Variants in UNC13C observed in about 807,000 individuals in gnomAD.
The protein encoded by UNC13C is protein unc-13 homolog C.
A neutral mutation model predicts 245.4 loss-of-function variants in UNC13C; 174 were observed. That is an observed-to-expected ratio of 0.71 (90% CI 0.63 to 0.80). The LOEUF is 0.80. Ranked by LOEUF, UNC13C falls within the 30% of genes least tolerant of loss-of-function variation. UNC13C has a pLI of 0.00. For missense variants in UNC13C, 2,829 were observed against 2,602.9 expected (o/e 1.09, Z -1.89); for synonymous variants, 992 against 895.1 (o/e 1.11, Z -1.93).
upstream of UNC13C, chr15:53,976,989 T>C (rs1011717666): frequency 6.6e-6 from 1 of 152,214 alleles, no homozygotes; most frequent in South Asian, 2.1e-4. Context: ...GGTTTTCCTG[T>C]GCTACTCTCC....
chr15:54,335,370 A>G (rs1317590027), intron 16 of UNC13C, among the ~76,000 whole-genome samples: 1 of 152,014 alleles, frequency 6.6e-6, no homozygotes, highest in East Asian at 1.9e-4. Context: ...ATTTCCTCCT[A>G]TTATCTTTTG....
At chr15:53,864,365 T>C in the UNC13C span, among the ~76,000 whole-genome samples, 6 of 152,198 alleles carry the variant, frequency 3.9e-5, no homozygotes, top group African/African-American at 1.4e-4. Flanking sequence ...AAAAGTTGTG[T>C]CAGACAGGCA....
intron 4 of UNC13C, among the ~76,000 whole-genome samples, chr15:54,218,681 T>C (rs939564409): frequency 6.6e-6 from 1 of 151,876 alleles, no homozygotes; most frequent in Non-Finnish European, 1.5e-5. Flanking sequence ...AATGACATGC[T>C]TAGATTTTGT....
intron 19 of UNC13C, among the ~76,000 whole-genome samples, chr15:54,478,776 A>C (rs1892924374): frequency 6.6e-6 from 1 of 151,866 alleles, no homozygotes; most frequent in Admixed American, 6.6e-5. Context: ...GCTGAAAAAA[A>C]TGTATATTCT....
intron 19 of UNC13C, among the ~76,000 whole-genome samples, chr15:54,417,375 C>G (rs1197544440): frequency 6.6e-6 from 1 of 152,046 alleles, no homozygotes; most frequent in African/African-American, 2.4e-5. Flanking sequence ...ACTGTTCTCC[C>G]CTTTTGTTTG....
At chr15:54,487,603 C>T (rs1893480203) in intron 19 of UNC13C, among the ~76,000 whole-genome samples, 1 of 151,864 alleles carries the variant, frequency 6.6e-6, no homozygotes, top group East Asian at 1.9e-4. Flanking sequence ...ACCATCTCTA[C>T]TAGCAATACA....
At chr15:53,976,147 A>T (rs1254495285), upstream of UNC13C, among the ~76,000 whole-genome samples, 1 of 152,112 alleles carries the variant, frequency 6.6e-6, no homozygotes, top group African/African-American at 2.4e-5. Context: ...AAGCTCTGTC[A>T]CTCTAACGGC....
the UNC13C span, among the ~76,000 whole-genome samples, chr15:53,946,452 T>C: frequency 6.6e-5 from 1 of 15,124 alleles, no homozygotes; most frequent in African/African-American, 1.1e-4. Context: ...CTTTTTTTTG[T>C]TTTTTTTTTT....
intron 30 of UNC13C, among the ~76,000 whole-genome samples, chr15:54,584,968 C>G (rs765683408): frequency 3.3e-4 from 51 of 152,334 alleles, no homozygotes; most frequent in Middle Eastern, 6.8e-3. Flanking sequence ...TAAAGTGATG[C>G]TATGGCCATT....
In UNC13C at chr15:54,003,981, A is replaced by C. The variant is rs147035550; in HGVS notation, c.-256-8667A>C. Among the ~76,000 whole-genome samples the C allele has an allele frequency of 4.0e-3, 616 of 152,358 alleles. 24 individuals carry two copies. The East Asian group carries it at 0.11, about 27-fold the overall frequency. Reference sequence around the variant, plus strand: ...AGCCGAGATCCTGCCACAGCACTCCAGCCTGGGCGACAGAGTGAGACTCCA... The same window carrying C: ...AGCCGAGATCCTGCCACAGCACTCCCGCCTGGGCGACAGAGTGAGACTCCA... On this transcript the variant is annotated intron_variant, in intron 1 of 32. Transcript: ENST00000260323.
At chr15:54,167,975 G>T (rs2033246226) in intron 4 of UNC13C, among the ~76,000 whole-genome samples, 1 of 152,080 alleles carries the variant, frequency 6.6e-6, no homozygotes, top group African/African-American at 2.4e-5. Flanking sequence ...TCTAATTTTG[G>T]CAAAGATGTG....
intron 2 of UNC13C, among the ~76,000 whole-genome samples, chr15:54,060,929 G>C (rs879024838): frequency 6.6e-6 from 1 of 151,980 alleles, no homozygotes; most frequent in Admixed American, 6.5e-5. Flanking sequence ...AGAACACATG[G>C]ACACAGGAAG....
intron 26 of UNC13C, among the ~76,000 whole-genome samples, chr15:54,537,763 G>T (rs973199399): frequency 6.6e-6 from 1 of 151,240 alleles, no homozygotes; most frequent in East Asian, 1.9e-4. Context: ...AAATGGTGTT[G>T]TTAGAATAAC....
At chr15:54,145,587 C>T (rs551592679) in intron 4 of UNC13C, among the ~76,000 whole-genome samples, 6 of 152,252 alleles carry the variant, frequency 3.9e-5, no homozygotes, top group Admixed American at 3.3e-4. Context: ...TACTACAACA[C>T]CATGAATACT....
chr15:54,426,229 G>A (rs1232599948), intron 19 of UNC13C, among the ~76,000 whole-genome samples: 1 of 150,910 alleles, frequency 6.6e-6, no homozygotes, highest in Non-Finnish European at 1.5e-5. Context: ...TGGGTCCTCT[G>A]TCCTAGAGTC....
chr15:54,584,636 A>G (rs1034776614), intron 30 of UNC13C, among the ~76,000 whole-genome samples: 8 of 152,258 alleles, frequency 5.3e-5, no homozygotes, highest in Non-Finnish European at 7.3e-5. Flanking sequence ...GAGTAAGCCA[A>G]TTTGGAAACT....
At chr15:54,182,674 A>G (rs2033842694) in intron 4 of UNC13C, among the ~76,000 whole-genome samples, 1 of 151,996 alleles carries the variant, frequency 6.6e-6, no homozygotes, top group Non-Finnish European at 1.5e-5. Flanking sequence ...CCCACGATTT[A>G]TCCTCCAGGA....
the UNC13C span, among the ~76,000 whole-genome samples, chr15:53,838,156 A>T: frequency 3.3e-5 from 5 of 152,166 alleles, no homozygotes; most frequent in African/African-American, 1.2e-4. Context: ...ACATAAATTT[A>T]TGAGTCAATT....
chr15:54,483,549 G>A (rs936760605), intron 19 of UNC13C, among the ~76,000 whole-genome samples: 1 of 152,004 alleles, frequency 6.6e-6, no homozygotes, highest in African/African-American at 2.4e-5. Context: ...AGGCTGGAGT[G>A]CAGTGGCGCG....
Sources: allele counts gnomAD v4.1 joint callset (sites outside exome capture counted in the v4.1 genomes callset), GRCh38; gene constraint gnomAD v4.1.1; transcripts MANE v1.5; gene names NCBI Gene and HGNC (gene_info 2026-07-23, HGNC 2026-07-21).